The following NAALADL2 variants were observed in gnomAD, a reference collection of about 807,000 sequenced individuals.
The protein encoded by NAALADL2 is N-acetylated alpha-linked acidic dipeptidase like 2.
In NAALADL2, 76 loss-of-function variants were observed where a neutral mutation model predicts 87.2. The observed-to-expected ratio is 0.87, with a 90% CI of 0.72 to 1.05. The LOEUF (loss-of-function observed/expected upper bound fraction) is 1.05, where lower values mean the gene tolerates loss of function less well. NAALADL2 is among the 50% of genes least tolerant of loss of function. The pLI is 0.00. For synonymous variants in NAALADL2, 354 were observed against 331.0 expected, an observed-to-expected ratio of 1.07 and a Z score of -0.75; for missense variants, 1,089 against 945.8, an observed-to-expected ratio of 1.15 and a Z score of -1.99.
chr3:174,911,553 G>T (rs1733710977), intron 1 of NAALADL2, among the ~76,000 whole-genome samples: 1 of 152,062 alleles, frequency 6.6e-6, no homozygotes, highest in Non-Finnish European at 1.5e-5. Context: ...CTGGGTTTAG[G>T]GAGGGGCAAT....
At chr3:174,699,231 C>T (rs1408271826) in intron 2 of NAALADL2, among the ~76,000 whole-genome samples, 2 of 152,134 alleles carry the variant, frequency 1.3e-5, no homozygotes, top group Non-Finnish European at 2.9e-5. Context: ...GGCACAGTGG[C>T]TCATGCCTGT....
At chr3:175,278,081 G>A (rs925759110) in intron 4 of NAALADL2, among the ~76,000 whole-genome samples, 4 of 152,100 alleles carry the variant, frequency 2.6e-5, no homozygotes, top group African/African-American at 9.7e-5. Flanking sequence ...AGCCGAGATC[G>A]CGCCACCGCA....
At chr3:174,652,033 T>C (rs1724407232) in intron 2 of NAALADL2, among the ~76,000 whole-genome samples, 1 of 152,110 alleles carries the variant, frequency 6.6e-6, no homozygotes, top group African/African-American at 2.4e-5. Flanking sequence ...GGGAAAATAT[T>C]AGACTGCAGT....
At chr3:174,652,445 A>C (rs1022758051) in intron 2 of NAALADL2, among the ~76,000 whole-genome samples, 5 of 152,222 alleles carry the variant, frequency 3.3e-5, no homozygotes, top group African/African-American at 9.6e-5. Flanking sequence ...TCACAGTTCC[A>C]CATGGCTGGG....
chr3:174,937,455 G>A (rs186518897), intron 1 of NAALADL2, among the ~76,000 whole-genome samples: 4 of 152,046 alleles, frequency 2.6e-5, no homozygotes, highest in Admixed American at 6.6e-5. Context: ...TTTCACTTCC[G>A]TCCTCTTAGA....
chr3:174,882,442 T>TATGTGTGTATATATACATATATAC (rs1729319941), intron 1 of NAALADL2, among the ~76,000 whole-genome samples: 1 of 151,356 alleles, frequency 6.6e-6, no homozygotes, highest in Non-Finnish European at 1.5e-5. Flanking sequence ...TGTGTGTATA[T>TATGTGTGTATATATACATATATAC]ATGTGTGTAT....
At chr3:174,784,279 A>T (rs1206340148) in intron 3 of NAALADL2, among the ~76,000 whole-genome samples, 1 of 152,182 alleles carries the variant, frequency 6.6e-6, no homozygotes, top group African/African-American at 2.4e-5. Context: ...GGAAAATTAT[A>T]CATATGCATA....
rs1184189663 is a variant in NAALADL2, at chr3:175,447,372, GGTAAA to G, written c.1234+4_1234+8del. ...TAGCTCTCTAGAGCTTCCAAATAAT[GGTAAA>G]GTATTTAATGTCGTTCTCTGTATTT... On this transcript the variant is annotated splice_donor_variant and splice_donor_5th_base_variant and intron_variant, in intron 6 of 13. Transcript: ENST00000454872. LOFTEE classifies it high-confidence loss of function. 6.4e-7 allele frequency: 1 copy of G among 1,551,018 alleles called. No homozygotes were observed. Among genetic ancestry groups the G allele is most frequent in the Non-Finnish European group, 8.7e-7 (1 of 1,151,852 alleles).
At chr3:174,694,215 T>C (rs550347971) in intron 2 of NAALADL2, among the ~76,000 whole-genome samples, 17 of 152,166 alleles carry the variant, frequency 1.1e-4, no homozygotes, top group African/African-American at 3.9e-4. Context: ...GAGACCTAAC[T>C]CCAAATTCCA....
chr3:174,595,371 C>T (rs1358856454), intron 2 of NAALADL2, among the ~76,000 whole-genome samples: 1 of 152,084 alleles, frequency 6.6e-6, no homozygotes, highest in African/African-American at 2.4e-5. Flanking sequence ...ATTAATTGTT[C>T]TGTAAAATGT....
At chr3:175,030,733 C>A (rs1242138442) in intron 1 of NAALADL2, among the ~76,000 whole-genome samples, 2 of 151,966 alleles carry the variant, frequency 1.3e-5, no homozygotes, top group East Asian at 1.9e-4. Context: ...TGTAGCAGTA[C>A]AAATCTTTAA....
intron 2 of NAALADL2, among the ~76,000 whole-genome samples, chr3:174,619,235 G>A (rs1160474892): frequency 6.6e-6 from 1 of 151,886 alleles, no homozygotes; most frequent in East Asian, 1.9e-4. Flanking sequence ...CCCTTTAAAT[G>A]GTCTGAGCAG....
At chr3:174,858,930 C>A (rs550908930), upstream of NAALADL2, among the ~76,000 whole-genome samples, 1 of 152,100 alleles carries the variant, frequency 6.6e-6, no homozygotes, top group East Asian at 1.9e-4. Flanking sequence ...CTGCACAAAA[C>A]TGACTCTGAG....
Position 175,505,544 on chromosome 3 carries a change from T to C in NAALADL2, c.1653+33786T>C, listed in dbSNP as rs6792175. ...TCTAGGGACAATGTTGTTGGCTTAT[T>C]TTTTTTTGTTGACTTTTGGTTTGAT... On this transcript the variant is annotated intron_variant, in intron 9 of 13. Transcript: ENST00000454872. Among the ~76,000 whole-genome samples the C allele has an allele frequency of 3.6e-4, 54 of 152,004 alleles. 3 individuals carry two copies. Among genetic ancestry groups the C allele is most frequent in the East Asian group, 2.7e-3 (14 of 5,176 alleles).
At chr3:174,814,711 A>G (rs1013488372) in intron 3 of NAALADL2, among the ~76,000 whole-genome samples, 15 of 152,212 alleles carry the variant, frequency 9.9e-5, no homozygotes, top group Non-Finnish European at 1.9e-4. Context: ...CTGCCATGAA[A>G]CAAAAATTAT....
chr3:175,427,486 G>T (rs993980681), intron 5 of NAALADL2, among the ~76,000 whole-genome samples: 2 of 151,964 alleles, frequency 1.3e-5, no homozygotes, highest in Non-Finnish European at 2.9e-5. Flanking sequence ...CTGATCAAAG[G>T]CAGATGCATA....
At chr3:174,835,979 C>T (rs758210036) in intron 3 of NAALADL2, among the ~76,000 whole-genome samples, 13 of 152,082 alleles carry the variant, frequency 8.5e-5, no homozygotes, top group Non-Finnish European at 1.5e-4. Context: ...CCATATGATC[C>T]AAAGGTTTTA....
intron 1 of NAALADL2, among the ~76,000 whole-genome samples, chr3:174,472,399 C>T (rs1249343420): frequency 6.6e-6 from 1 of 152,100 alleles, no homozygotes; most frequent in East Asian, 1.9e-4. Flanking sequence ...AGAAAGATGG[C>T]CCTGGGAACA....
intron 13 of NAALADL2, among the ~76,000 whole-genome samples, chr3:175,778,684 A>G (rs1750601635): frequency 6.6e-6 from 1 of 152,096 alleles, no homozygotes; most frequent in African/African-American, 2.4e-5. Flanking sequence ...TATTATAAAA[A>G]CTCTAGGTTG....
Sources: gnomAD v4.1 joint callset for allele counts (sites outside exome capture counted in the v4.1 genomes callset) on GRCh38, gnomAD v4.1.1 for gene constraint, MANE v1.5 for transcripts, NCBI Gene and HGNC (gene_info 2026-07-23, HGNC 2026-07-21) for gene names.